Variants in MTREX observed in about 807,000 individuals in gnomAD.
MTREX encodes exosome RNA helicase MTR4.
A neutral mutation model predicts 135.4 loss-of-function variants in MTREX; 76 were observed. That is an observed-to-expected ratio of 0.56 (90% CI 0.47 to 0.68). The LOEUF (loss-of-function observed/expected upper bound fraction) is 0.68. MTREX is among the 30% of genes least tolerant of loss of function. The pLI is 0.00. For missense variants in MTREX, 920 were observed against 1,262.1 expected (o/e 0.73, Z 4.11); for synonymous variants, 404 against 401.6 (o/e 1.01, Z -0.07).
At chr5:55,399,645 G>A (rs551795631) in intron 20 of MTREX, among the ~76,000 whole-genome samples, 11 of 152,018 alleles carry the variant, frequency 7.2e-5, no homozygotes, top group Admixed American at 2.0e-4. Context: ...CCACCACCAC[G>A]CCTGGCTAAT....
chr5:55,402,830 G>GTGTC (rs1561209687), intron 21 of MTREX, among the ~76,000 whole-genome samples: 5 of 96,340 alleles, frequency 5.2e-5, no homozygotes. Context: ...ATATGTGTGT[G>GTGTC]TGTGTGTGTG....
intron 5 of MTREX, among the ~76,000 whole-genome samples, chr5:55,338,786 CTTT>C (rs67612518): frequency 1.1e-4 from 10 of 92,254 alleles, no homozygotes; most frequent in Middle Eastern, 8.5e-3. Context: ...CTTTCTTTTT[CTTT>C]TTTTTTTTTT....
intron 22 of MTREX, among the ~76,000 whole-genome samples, chr5:55,408,923 TTATTTATTTATTTA>T: frequency 3.1e-4 from 1 of 3,232 alleles, no homozygotes; most frequent in East Asian, 2.7e-3. Flanking sequence ...ATATTTTTAT[TTATTTATTTATTTA>T]TTTATTTATT....
At chr5:55,353,539 C>CA (rs912537768) in intron 14 of MTREX, among the ~76,000 whole-genome samples, 6 of 151,994 alleles carry the variant, frequency 3.9e-5, no homozygotes, top group East Asian at 1.9e-4. Flanking sequence ...CCCATCTCTA[C>CA]AAAAAATGCA....
At position 55,353,181 on chromosome 5, in the gene MTREX, CGGAGACCTTTGCTAT is replaced by C; in HGVS notation, c.1448_1462del (p.Glu483_Met487del). The C allele has an allele frequency of 6.3e-7, 1 of 1,596,696 alleles. No homozygotes were observed. On this transcript the variant is annotated inframe_deletion, in exon 14 of 27. Coordinates refer to ENST00000230640, the MANE Select transcript of MTREX (RefSeq NM_015360.5). ...TTATTTACTTAGGCCTTATTTGCCA[CGGAGACCTTTGCTAT>C]GGGAATTAACATGCCAGCTAGAACT...
At chr5:55,394,755 G>A (rs375780178) in intron 19 of MTREX, among the ~76,000 whole-genome samples, 4 of 152,078 alleles carry the variant, frequency 2.6e-5, no homozygotes, top group African/African-American at 9.7e-5. Flanking sequence ...GTAAAGGGCC[G>A]GGCGTGGTGG....
chr5:55,389,184 A>T (rs1750526164), intron 19 of MTREX, among the ~76,000 whole-genome samples: 1 of 152,162 alleles, frequency 6.6e-6, no homozygotes, highest in Non-Finnish European at 1.5e-5. Flanking sequence ...CATTTATTTT[A>T]CTGATTGACT....
intron 1 of MTREX, among the ~76,000 whole-genome samples, chr5:55,315,872 A>T (rs569815260): frequency 6.6e-6 from 1 of 152,054 alleles, no homozygotes; most frequent in East Asian, 1.9e-4. Flanking sequence ...AAAAAAAAAA[A>T]AAAAACCTGT....
chr5:55,379,119 C>A lies in MTREX; in HGVS notation c.1984-8C>A, dbSNP rs769064827. 3.1e-6 allele frequency: 5 copies of A among 1,603,870 alleles called. No homozygotes were observed. The highest frequency in any genetic ancestry group is 4.3e-6 in the Non-Finnish European group (5 of 1,173,492). On this transcript the variant is annotated splice_region_variant and splice_polypyrimidine_tract_variant and intron_variant, in intron 17 of 26. Transcript: ENST00000230640. ...GATTCTTGCTTACTTGCTTTTCTTT[C>A]TTTTTAGGTAAAGAATGAAGGAGAT...
At chr5:55,423,079 T>G in intron 26 of MTREX, 97 bp downstream of exon 26, 1 of 834,646 alleles carries the variant, frequency 1.2e-6, no homozygotes, top group East Asian at 2.6e-5. Context: ...TTTTGAGATG[T>G]TCTTCACTGC....
intron 1 of MTREX, among the ~76,000 whole-genome samples, chr5:55,320,273 A>AGT (rs1037805787): frequency 1.3e-5 from 2 of 149,322 alleles, no homozygotes; most frequent in Non-Finnish European, 3.0e-5. Flanking sequence ...GCTGGAGTAC[A>AGT]GTGGCACGAT....
chr5:55,369,143 ATAAT>A (rs1750154863), intron 16 of MTREX, among the ~76,000 whole-genome samples: 1 of 151,906 alleles, frequency 6.6e-6, no homozygotes, highest in Non-Finnish European at 1.5e-5. Flanking sequence ...AAAAATAAAA[ATAAT>A]AAAGATGAAC....
chr5:55,417,329 T>C (rs1750981191), intron 25 of MTREX, among the ~76,000 whole-genome samples: 1 of 152,174 alleles, frequency 6.6e-6, no homozygotes, highest in Admixed American at 6.5e-5. Flanking sequence ...GGGTAGATAT[T>C]ATCTCCACTT....
intron 16 of MTREX, among the ~76,000 whole-genome samples, chr5:55,376,307 C>G (rs1013617633): frequency 3.3e-5 from 5 of 152,220 alleles, no homozygotes; most frequent in Admixed American, 6.5e-5. Context: ...GTATTCCAAT[C>G]GCACTGCATT....
chr5:55,346,911 A>C, intron 10 of MTREX, 102 bp from the exon 11 acceptor site: 2 of 931,810 alleles, frequency 2.1e-6, no homozygotes, highest in Non-Finnish European at 3.1e-6. Context: ...AGGAAGATTT[A>C]TTCCTATATT....
chr5:55,405,447 C>T lies in MTREX; in HGVS notation c.2504C>T (p.Ala835Val), dbSNP rs748060222. The change falls in exon 22 of 27, where the codon GCA becomes GTA. Residue 835 changes from alanine (A) to valine (V), a missense_variant. By Grantham distance (64) the Ala-to-Val change is moderately conservative (BLOSUM62 0). This residue lies in a region of MTREX where 467 missense variants were observed against 589.7 expected (regional missense o/e 0.79). Coordinates refer to ENST00000230640, the MANE Select transcript of MTREX (RefSeq NM_015360.5). The part of the protein sequence containing the change: ...KAQIAIDIKS[A>V]KRELKKARTV... ...TAGATTGCAATAGATATTAAATCTG[C>T]AAAGCGAGAACTGAAGAAAGCAAGA... 4 of 1,613,096 alleles carry T rather than the reference C, an allele frequency of 2.5e-6. No homozygotes were observed. Among genetic ancestry groups the T allele is most frequent in the Non-Finnish European group, 3.4e-6 (4 of 1,179,476 alleles).
intron 14 of MTREX, among the ~76,000 whole-genome samples, chr5:55,357,712 T>C (rs1283614812): frequency 6.6e-6 from 1 of 152,184 alleles, no homozygotes; most frequent in African/African-American, 2.4e-5. Flanking sequence ...TTTTAACTCT[T>C]TTTGAGTTAC....
chr5:55,374,416 T>C (rs1295386204), intron 16 of MTREX, among the ~76,000 whole-genome samples: 2 of 151,604 alleles, frequency 1.3e-5, no homozygotes, highest in African/African-American at 4.9e-5. Context: ...GCCTCCCAAG[T>C]AGCTAGGACC....
intron 18 of MTREX, among the ~76,000 whole-genome samples, chr5:55,382,037 A>G (rs1379813727): frequency 1.3e-5 from 2 of 152,082 alleles, no homozygotes. Flanking sequence ...TGTTTATATC[A>G]GTAAATTTAA....
Sources: gnomAD v4.1 joint callset for allele counts (sites outside exome capture counted in the v4.1 genomes callset) on GRCh38, gnomAD v4.1.1 for gene constraint, gnomAD v4.1.1 regional missense constraint, MANE v1.5 for transcripts, NCBI Gene and HGNC (gene_info 2026-07-23, HGNC 2026-07-21) for gene names.